ASB5: variants seen among roughly 807,000 people sequenced by gnomAD.
ASB5 encodes the protein ankyrin repeat and SOCS box protein 5.
In ASB5, 45 loss-of-function variants were observed where a neutral mutation model predicts 42.1. The ratio of observed to expected loss-of-function variants is 1.07; its 90% CI spans 0.84 to 1.37. The LOEUF (loss-of-function observed/expected upper bound fraction) is 1.37, where lower values mean the gene tolerates loss of function less well. ASB5 is among the 40% of genes most tolerant of loss of function. The pLI is 0.00. For synonymous variants in ASB5, 147 were observed against 150.6 expected (o/e 0.98, Z 0.18); for missense variants, 402 against 399.8 (o/e 1.01, Z -0.05).
At chr4:176,217,037 T>C in intron 5 of ASB5, 28 bp from the exon 6 acceptor site, 1 of 1,536,590 alleles carries the variant, frequency 6.5e-7, no homozygotes, top group East Asian at 2.3e-5. Context: ...TGAAGATAAA[T>C]ATAAATAAAA....
At position 176,217,901 on chromosome 4, in the gene ASB5, G is replaced by A. The variant is rs1036517320; in HGVS notation, c.671-892C>T. Among the ~76,000 whole-genome samples, 8 of 151,860 alleles carry A rather than the reference G, an allele frequency of 5.3e-5. No individual in the cohort carries two copies. In the East Asian group the frequency reaches 1.5e-3, roughly 29 times the overall value. ...AAACTAATGATGTCTTCATGAAGCA[G>A]TACAGTTAAAGTGTCCCTTTATGGC... On this transcript the variant is annotated intron_variant, in intron 5 of 6. Coordinates refer to ENST00000296525, the MANE Select transcript of ASB5 (RefSeq NM_080874.4).
intron 1 of ASB5, among the ~76,000 whole-genome samples, chr4:176,238,468 C>G (rs1456039140): frequency 6.6e-6 from 1 of 152,118 alleles, no homozygotes; most frequent in African/African-American, 2.4e-5. Context: ...AAAAACCAAA[C>G]ATGTGCCTGG....
intron 1 of ASB5, among the ~76,000 whole-genome samples, chr4:176,243,107 T>G (rs1579325443): frequency 6.6e-6 from 1 of 152,330 alleles, no homozygotes; most frequent in African/African-American, 2.4e-5. Context: ...CTAAAATATT[T>G]ACTCTTTAAT....
intron 1 of ASB5, among the ~76,000 whole-genome samples, chr4:176,250,569 G>A (rs1263870285): frequency 6.6e-6 from 1 of 152,124 alleles, no homozygotes; most frequent in Non-Finnish European, 1.5e-5. Context: ...CAGTGATCCC[G>A]TCTAACTCCT....
chr4:176,220,259 T>C (rs924407677), intron 5 of ASB5, among the ~76,000 whole-genome samples: 1 of 152,044 alleles, frequency 6.6e-6, no homozygotes, highest in Non-Finnish European at 1.5e-5. Context: ...TAAGACTGAG[T>C]AGGTGTAATG....
chr4:176,218,491 A>AAT (rs1323208693), intron 5 of ASB5, among the ~76,000 whole-genome samples: 3 of 90,470 alleles, frequency 3.3e-5, no homozygotes, highest in Admixed American at 1.4e-4. Context: ...ATGATATATA[A>AAT]ATATATATAT....
At chr4:176,224,104 A>G (rs958588462) in intron 2 of ASB5, among the ~76,000 whole-genome samples, 6 of 152,000 alleles carry the variant, frequency 3.9e-5, no homozygotes, top group Non-Finnish European at 7.4e-5. Flanking sequence ...GACCCAGGCA[A>G]TGCTTTTTAA....
intron 1 of ASB5, among the ~76,000 whole-genome samples, chr4:176,238,341 T>C (rs561504596): frequency 6.6e-6 from 1 of 152,250 alleles, no homozygotes; most frequent in South Asian, 2.1e-4. Flanking sequence ...CACAGCTCAC[T>C]ATTGTGATTT....
At chr4:176,271,451 A>G (rs1482023606), upstream of ASB5, among the ~76,000 whole-genome samples, 1 of 152,200 alleles carries the variant, frequency 6.6e-6, no homozygotes, top group Non-Finnish European at 1.5e-5. Flanking sequence ...AATATTGATT[A>G]GTCATTGAAG....
intron 1 of ASB5, among the ~76,000 whole-genome samples, chr4:176,250,035 AG>A (rs750093240): frequency 2.0e-5 from 3 of 150,308 alleles, no homozygotes; most frequent in Non-Finnish European, 4.4e-5. Flanking sequence ...ACTGCACTCC[AG>A]CCTGGGTGAC....
intron 1 of ASB5, among the ~76,000 whole-genome samples, chr4:176,236,451 T>C (rs1753687044): frequency 6.6e-6 from 1 of 152,196 alleles, no homozygotes; most frequent in African/African-American, 2.4e-5. Context: ...TTTTCCTTGC[T>C]GGTATATTTC....
chr4:176,257,107 GC>G (rs575120564), intron 1 of ASB5, among the ~76,000 whole-genome samples: 101 of 152,258 alleles, frequency 6.6e-4, no homozygotes, highest in African/African-American at 2.2e-3. Flanking sequence ...AGGACAAGAG[GC>G]TTTTAAGAAG....
upstream of ASB5, among the ~76,000 whole-genome samples, chr4:176,273,661 C>A (rs1218722784): frequency 6.6e-6 from 1 of 152,206 alleles, no homozygotes; most frequent in Non-Finnish European, 1.5e-5. Context: ...GAACACAGAA[C>A]AGCCTTTCTC....
At chr4:176,266,014 T>A (rs1375574475) in intron 1 of ASB5, among the ~76,000 whole-genome samples, 2 of 152,178 alleles carry the variant, frequency 1.3e-5, no homozygotes, top group Non-Finnish European at 2.9e-5. Context: ...GGAAATATCT[T>A]AAGCTATTTT....
chr4:176,219,342 ATATT>A (rs1273209248), intron 5 of ASB5, among the ~76,000 whole-genome samples: 2 of 100,110 alleles, frequency 2.0e-5, no homozygotes, highest in South Asian at 3.3e-4. Context: ...ATAAATATAT[ATATT>A]TGTATGATAT....
chr4:176,241,416 A>T (rs1354817885), intron 1 of ASB5: 12 of 1,468,228 alleles, frequency 8.2e-6, no homozygotes, highest in Non-Finnish European at 1.1e-5. Flanking sequence ...TAAAAAAATA[A>T]AACCTCCTTA....
chr4:176,224,384 G>A (rs1353410245), intron 2 of ASB5, among the ~76,000 whole-genome samples: 1 of 151,998 alleles, frequency 6.6e-6, no homozygotes, highest in Non-Finnish European at 1.5e-5. Context: ...ACAGGTGCAA[G>A]CCACCATGCC....
At chr4:176,228,963 T>G (rs945074812) in intron 1 of ASB5, among the ~76,000 whole-genome samples, 1 of 152,162 alleles carries the variant, frequency 6.6e-6, no homozygotes, top group Non-Finnish European at 1.5e-5. Context: ...CACTTAAATA[T>G]TTAAGAAAAT....
intron 1 of ASB5, among the ~76,000 whole-genome samples, chr4:176,229,774 A>G (rs2046262): frequency 0.5 from 76,345 of 152,104 alleles, 19,693 homozygotes; most frequent in East Asian, 0.7. Context: ...TGTCATTGTC[A>G]TTCTCAGAAA....
Sources: gnomAD v4.1 joint callset for allele counts (sites outside exome capture counted in the v4.1 genomes callset) on GRCh38, gnomAD v4.1.1 for gene constraint, MANE v1.5 for transcripts, NCBI Gene and HGNC (gene_info 2026-07-23, HGNC 2026-07-21) for gene names.